PSG8: variants seen among roughly 807,000 people sequenced by gnomAD.
The protein encoded by PSG8 is pregnancy-specific beta-1-glycoprotein 8.
PSG8 carries 57 observed loss-of-function variants against 42.5 expected under a neutral mutation model. The ratio of observed to expected loss-of-function variants is 1.34; its 90% CI spans 1.08 to 1.67. The LOEUF is 1.67. PSG8 is among the 40% of genes most tolerant of loss of function. PSG8 has a pLI of 0.00. For synonymous variants in PSG8, 280 were observed against 196.8 expected (o/e 1.42, Z -3.54); for missense variants, 783 against 518.6 (o/e 1.51, Z -4.95).
chr19:42,760,496 T>A (rs769422365), intron 2 of PSG8, among the ~76,000 whole-genome samples: 2 of 152,204 alleles, frequency 1.3e-5, no homozygotes, highest in Admixed American at 6.5e-5. Flanking sequence ...TTTGGAAGTT[T>A]CTATTGACGT....
Position 42,764,766 on chromosome 19 carries a change from G to A in PSG8, c.65-485C>T, listed in dbSNP as rs560062337. 9.9e-5 allele frequency among the ~76,000 whole-genome samples: 15 copies of A among 152,112 alleles called. No individual in the cohort carries two copies. The South Asian group carries it at 1.0e-3, about 11-fold the overall frequency. On this transcript the variant is annotated intron_variant, in intron 1 of 4. Transcript: ENST00000306511. ...TGTCTGTCTTCCCCTCCATGACAGCGTGAGCTCCATGAGGACAGGGATTTT... is the reference window on the plus strand; with the variant it reads ...TGTCTGTCTTCCCCTCCATGACAGCATGAGCTCCATGAGGACAGGGATTTT...
chr19:42,763,644 G>A, intron 2 of PSG8: 2 of 607,544 alleles, frequency 3.3e-6, no homozygotes, highest in Non-Finnish European at 5.4e-6. Context: ...GGCATGAGGT[G>A]CTTGTCTGAG....
At chr19:42,760,979 A>T (rs930471918) in intron 2 of PSG8, among the ~76,000 whole-genome samples, 3 of 152,172 alleles carry the variant, frequency 2.0e-5, no homozygotes, top group African/African-American at 7.2e-5. Context: ...TATGCCTGAC[A>T]GGAAGCCAGA....
At chr19:42,765,154 T>C (rs1841755929) in intron 1 of PSG8, among the ~76,000 whole-genome samples, 1 of 142,480 alleles carries the variant, frequency 7.0e-6, no homozygotes, top group Non-Finnish European at 1.5e-5. Context: ...TTCTCTTTTT[T>C]CTCTTTTTTT....
Position 42,763,938 on chromosome 19 carries a change from T to C in PSG8, c.408A>G (p.Gly136=), listed in dbSNP as rs527880082. The stretch of plus-strand genomic sequence containing the variant: ...CACGATATAAGGTGAAGGTGAAATG[T>C]CCAGTTACTCCTCTATTCTCATCAC... The part of the protein sequence containing the change: ...MGGDENRGVT[G]HFTFTLYLET... The change falls in exon 2 of 5, where the codon GGA becomes GGG. Residue 136 remains glycine, a synonymous_variant. Transcript: ENST00000306511. 8.7e-6 allele frequency: 14 copies of C among 1,613,734 alleles called. No homozygotes were observed. In the Admixed American group the frequency reaches 2.2e-4, roughly 25 times the overall value.
At chr19:42,758,853 C>T (rs1296548830) in intron 2 of PSG8, 1 of 159,150 alleles carries the variant, frequency 6.3e-6, no homozygotes, top group Non-Finnish European at 1.4e-5. Context: ...GGCAGTGGAG[C>T]CACAAGGTGG....
chr19:42,753,605 C>G (rs912298528), downstream of PSG8, among the ~76,000 whole-genome samples: 9 of 152,170 alleles, frequency 5.9e-5, no homozygotes, highest in Admixed American at 5.2e-4. Flanking sequence ...CGTGTAGGCT[C>G]TCTTTTAAAA....
In PSG8 at chr19:42,765,157, CT is replaced by C. The variant is rs553763507; in HGVS notation, c.64+360del. On this transcript the variant is annotated intron_variant, in intron 1 of 4. Coordinates refer to ENST00000306511, the MANE Select transcript of PSG8 (RefSeq NM_182707.3). ...CTTCTTTCCTTTTTCTCTTTTTTCT[CT>C]TTTTTTTTTTTTGAGATGGAGTCTC... 2.3e-3 allele frequency among the ~76,000 whole-genome samples: 328 copies of C among 143,010 alleles called. 3 individuals are homozygous for C. The highest frequency in any genetic ancestry group is 0.011 in the South Asian group (50 of 4,480). The allele number at this position is 143,010 out of a possible 152,430, so 93.8% of individuals were successfully genotyped here. A position where few individuals can be genotyped will look rare whatever the true frequency, so the allele number is the denominator to read the frequency against.
chr19:42,758,714 A>G (rs528681741), intron 2 of PSG8: 34 of 203,198 alleles, frequency 1.7e-4, no homozygotes, highest in African/African-American at 7.8e-4. Context: ...CATCCTAGAG[A>G]TGGGTGATGG....
downstream of PSG8, chr19:42,754,068 C>T: frequency 2.8e-6 from 3 of 1,067,722 alleles, no homozygotes; most frequent in Non-Finnish European, 4.0e-6. Context: ...ATCATAAAAA[C>T]ATTATCCTCA....
chr19:42,763,054 C>G (rs1422855598), intron 2 of PSG8, among the ~76,000 whole-genome samples: 1 of 152,178 alleles, frequency 6.6e-6, no homozygotes, highest in Admixed American at 6.5e-5. Flanking sequence ...GCTTTTCATG[C>G]TATCTGTGAA....
intron 3 of PSG8, among the ~76,000 whole-genome samples, 180 bp downstream of exon 3, chr19:42,757,822 C>T (rs1322852571): frequency 6.6e-6 from 1 of 152,058 alleles, no homozygotes; most frequent in African/African-American, 2.4e-5. Flanking sequence ...CCTCTTTTCT[C>T]CTATTGTTGA....
rs1969897096 is a variant in PSG8 at position 42,755,342 on chromosome 19, G to T, written c.710-76C>A. 6 of 1,576,828 alleles carry T rather than the reference G, an allele frequency of 3.8e-6. No homozygotes were observed. In the South Asian group the frequency reaches 7.1e-5, roughly 19 times the overall value. ...CCACAGGCATCCTTCAATCAGAGTT[G>T]GCATCTCCCACTTCTCAGCCCACCC... On this transcript the variant is annotated intron_variant, in intron 3 of 4. Coordinates refer to ENST00000306511, the MANE Select transcript of PSG8 (RefSeq NM_182707.3).
Position 42,754,286 on chromosome 19 carries a change from AG to A in PSG8, c.*8del. 1 of 1,612,112 alleles carries A rather than the reference AG, an allele frequency of 6.2e-7. No individual in the cohort carries two copies. The highest frequency in any genetic ancestry group is 8.5e-7 in the Non-Finnish European group (1 of 1,179,006). ...CCTGACTCTTCCCTGAAGGCCAGAT[AG>A]ACTCCACCTAAATCCCTATTGCCAA... On this transcript the variant is annotated 3_prime_UTR_variant, in exon 5 of 5. Transcript: ENST00000306511.
intron 3 of PSG8, 90 bp downstream of exon 3, chr19:42,757,912 C>T: frequency 1.2e-6 from 2 of 1,613,340 alleles, no homozygotes; most frequent in African/African-American, 1.3e-5. Flanking sequence ...GGTCTCTGTA[C>T]TTGGACCTGA....
chr19:42,764,033 C>T lies in PSG8; in HGVS notation c.313G>A (p.Ala105Thr), dbSNP rs764632234. Reference sequence around the variant, plus strand: ...GTGACATTCTGGATCAGCAGGGATGCATTGGAATATATTGTTTCTCGTCCA... The same window carrying T: ...GTGACATTCTGGATCAGCAGGGATGTATTGGAATATATTGTTTCTCGTCCA... ...YSGRETIYSNASLLIQNVTQE... is the reference protein window; with the variant it reads ...YSGRETIYSNTSLLIQNVTQE... Residue 105 changes from alanine (A) to threonine (T), a missense_variant, in exon 2 of 5, where the codon GCA (alanine) becomes ACA (threonine). Ala to Thr is a moderately conservative substitution (Grantham distance 58). Coordinates refer to ENST00000306511, the MANE Select transcript of PSG8 (RefSeq NM_182707.3). 10 of 1,613,640 alleles carry T rather than the reference C, an allele frequency of 6.2e-6. No homozygotes were observed. The highest frequency in any genetic ancestry group is 1.3e-5 in the African/African-American group (1 of 74,802).
chr19:42,762,184 A>G (rs1970094172), intron 2 of PSG8, among the ~76,000 whole-genome samples: 3 of 151,828 alleles, frequency 2.0e-5, no homozygotes, highest in Non-Finnish European at 2.9e-5. Context: ...TGTGCAGGAC[A>G]GGGCTTGCCA....
At position 42,755,177 on chromosome 19, in the gene PSG8, C is replaced by G; in HGVS notation, c.799G>C (p.Glu267Gln). The G allele has an allele frequency of 7.4e-6, 12 of 1,611,870 alleles. No individual in the cohort carries two copies. The highest frequency in any genetic ancestry group is 1.0e-5 in the Non-Finnish European group (12 of 1,179,786). The change falls in exon 4 of 5, where the codon GAG becomes CAG. Residue 267 changes from glutamate (E) to glutamine (Q), a missense_variant. Physicochemically the swap from Glu to Gln is conservative, Grantham distance 29. Transcript: ENST00000306511. ...VLNFTCEPKS[E>Q]NYTYIWWLNG... ...AGCCACCAAATGTAGGTGTAGTTCTCACTCTTAGGTTCACAGGTGAAGTTT... is the reference window on the plus strand; with the variant it reads ...AGCCACCAAATGTAGGTGTAGTTCTGACTCTTAGGTTCACAGGTGAAGTTT...
chr19:42,752,843 C>G (rs1969815925), downstream of PSG8: 1 of 194,940 alleles, frequency 5.1e-6, no homozygotes, highest in Non-Finnish European at 1.1e-5. Context: ...TCATAGAAAC[C>G]ATCTTATCTG....
Sources: allele counts gnomAD v4.1 joint callset (sites outside exome capture counted in the v4.1 genomes callset), GRCh38; gene constraint gnomAD v4.1.1; transcripts MANE v1.5; gene names NCBI Gene and HGNC (gene_info 2026-07-23, HGNC 2026-07-21).